The following GRM7 variants were observed in gnomAD, a reference collection of about 807,000 sequenced individuals.
GRM7 encodes metabotropic glutamate receptor 7.
A neutral mutation model predicts 84.5 loss-of-function variants in GRM7; 35 were observed. The ratio of observed to expected loss-of-function variants is 0.41; its 90% CI spans 0.32 to 0.55. The LOEUF (loss-of-function observed/expected upper bound fraction) is 0.55. Among genes scored for constraint, GRM7 ranks in the 20% least tolerant of loss-of-function variants. The pLI, the probability that GRM7 is intolerant of heterozygous loss-of-function variation, is 0.19. For missense variants in GRM7, 1,003 were observed against 1,194.6 expected, an observed-to-expected ratio of 0.84 and a Z score of 2.36; for synonymous variants, 487 against 455.1, an observed-to-expected ratio of 1.07 and a Z score of -0.89.
chr3:7,447,688 A>G (rs576219429), intron 5 of GRM7, among the ~76,000 whole-genome samples: 74 of 152,034 alleles, frequency 4.9e-4, no homozygotes, highest in Admixed American at 2.3e-3. Flanking sequence ...ATCTCTTTGT[A>G]AGAATAAATA....
intron 2 of GRM7, among the ~76,000 whole-genome samples, chr3:7,276,553 A>C (rs1699064849): frequency 6.6e-6 from 1 of 151,872 alleles, no homozygotes; most frequent in South Asian, 2.1e-4. Context: ...TCTTAGATGA[A>C]AATGGCGGTG....
intron 1 of GRM7, among the ~76,000 whole-genome samples, chr3:6,965,826 T>G (rs185427022): frequency 5.9e-4 from 90 of 152,310 alleles, no homozygotes; most frequent in African/African-American, 1.9e-3. Flanking sequence ...CTCGCATCCA[T>G]CTGAGTGGTG....
At chr3:7,332,568 T>C (rs183410661) in intron 4 of GRM7, among the ~76,000 whole-genome samples, 12 of 152,314 alleles carry the variant, frequency 7.9e-5, no homozygotes, top group African/African-American at 2.9e-4. Context: ...AAAGATCTTT[T>C]CCTTGAGTTA....
intron 4 of GRM7, among the ~76,000 whole-genome samples, chr3:7,356,766 T>C (rs1157074365): frequency 6.6e-6 from 1 of 152,108 alleles, no homozygotes; most frequent in Admixed American, 6.6e-5. Context: ...CTCAGGCCTT[T>C]GGCCTCACAC....
At chr3:6,950,445 G>A (rs991149780) in intron 1 of GRM7, among the ~76,000 whole-genome samples, 8 of 152,188 alleles carry the variant, frequency 5.3e-5, no homozygotes, top group Admixed American at 1.3e-4. Context: ...ACCCGGCCGT[G>A]TGAGGTGTCA....
At chr3:6,966,065 C>G (rs146386708) in intron 1 of GRM7, among the ~76,000 whole-genome samples, 12 of 152,312 alleles carry the variant, frequency 7.9e-5, no homozygotes, top group Admixed American at 7.2e-4. Flanking sequence ...AAGGAATGCA[C>G]ATATCACGAG....
At chr3:7,569,707 G>C (rs1396748754) in intron 7 of GRM7, among the ~76,000 whole-genome samples, 1 of 151,980 alleles carries the variant, frequency 6.6e-6, no homozygotes, top group East Asian at 1.9e-4. Flanking sequence ...CCTGAAGCCA[G>C]CGAGACCATG....
chr3:7,057,867 T>C (rs1253639137), intron 1 of GRM7, among the ~76,000 whole-genome samples: 1 of 151,912 alleles, frequency 6.6e-6, no homozygotes, highest in African/African-American at 2.4e-5. Flanking sequence ...CAAATCTACG[T>C]AGGCAAATGA....
chr3:6,934,210 T>C (rs1697606485), intron 1 of GRM7, among the ~76,000 whole-genome samples: 1 of 152,184 alleles, frequency 6.6e-6, no homozygotes, highest in Non-Finnish European at 1.5e-5. Flanking sequence ...CAGTGTGGTA[T>C]TTAGGTACTC....
chr3:7,313,915 GGAGAGA>G (rs35959092), intron 4 of GRM7, among the ~76,000 whole-genome samples: 10 of 149,780 alleles, frequency 6.7e-5, no homozygotes, highest in Middle Eastern at 3.4e-3. Context: ...GTTGTAAAAT[GGAGAGA>G]GAGAGAGAGA....
intron 8 of GRM7, among the ~76,000 whole-genome samples, chr3:7,614,059 T>G (rs904758850): frequency 1.3e-5 from 2 of 151,700 alleles, no homozygotes; most frequent in African/African-American, 4.8e-5. Context: ...AGGTAAGGAG[T>G]TGGAGACTAG....
At chr3:7,570,912 T>C (rs1185827359) in intron 7 of GRM7, among the ~76,000 whole-genome samples, 2 of 152,252 alleles carry the variant, frequency 1.3e-5, no homozygotes, top group Non-Finnish European at 2.9e-5. Context: ...ACCTCAGTTA[T>C]TGACTTCTGT....
At chr3:7,603,728 G>C (rs1696430910) in intron 8 of GRM7, among the ~76,000 whole-genome samples, 1 of 151,994 alleles carries the variant, frequency 6.6e-6, no homozygotes, top group Non-Finnish European at 1.5e-5. Flanking sequence ...AATCATATGG[G>C]GAGGTGAGAC....
Position 7,302,240 on chromosome 3 carries a change from A to C in GRM7, c.878+3415A>C, listed in dbSNP as rs190539208. On this transcript the variant is annotated intron_variant, in intron 3 of 9. Coordinates refer to ENST00000357716, the MANE Select transcript of GRM7 (RefSeq NM_000844.4). ...TTCCAGCACTCAGAGATAACTGCTA[A>C]TACAATTCTGGTTTAATTTTTGCAA... Among the ~76,000 whole-genome samples, 237 of 152,304 alleles carry C rather than the reference A, an allele frequency of 1.6e-3. 1 individual carries two copies. Among genetic ancestry groups the C allele is most frequent in the Middle Eastern group, 3.4e-3 (1 of 294 alleles).
intron 8 of GRM7, among the ~76,000 whole-genome samples, chr3:7,623,189 G>C (rs1697440729): frequency 6.6e-6 from 1 of 152,102 alleles, no homozygotes; most frequent in African/African-American, 2.4e-5. Context: ...TGCATCCATG[G>C]AAGGAATGAA....
At chr3:7,522,616 G>A (rs868617) in intron 7 of GRM7, among the ~76,000 whole-genome samples, 1 of 151,918 alleles carries the variant, frequency 6.6e-6, no homozygotes, top group Admixed American at 6.6e-5. Flanking sequence ...TGTCTACATC[G>A]CAAGACTTCC....
chr3:7,568,283 G>A (rs1196578248), intron 7 of GRM7, among the ~76,000 whole-genome samples: 1 of 151,894 alleles, frequency 6.6e-6, no homozygotes, highest in Non-Finnish European at 1.5e-5. Flanking sequence ...TTTTCACACT[G>A]CTGATAAAGA....
intron 8 of GRM7, among the ~76,000 whole-genome samples, chr3:7,651,267 T>C (rs1297142551): frequency 9.2e-5 from 14 of 152,174 alleles, no homozygotes; most frequent in Non-Finnish European, 7.3e-5. Flanking sequence ...GGAATTGCTT[T>C]TGATCCTCCT....
chr3:7,245,876 G>A (rs1377907887), intron 2 of GRM7, among the ~76,000 whole-genome samples: 1 of 151,982 alleles, frequency 6.6e-6, no homozygotes, highest in African/African-American at 2.4e-5. Context: ...TTGTTCATTT[G>A]TAGGATTTTT....
Sources: allele counts gnomAD v4.1 joint callset (sites outside exome capture counted in the v4.1 genomes callset), GRCh38; gene constraint gnomAD v4.1.1; transcripts MANE v1.5; gene names NCBI Gene and HGNC (gene_info 2026-07-23, HGNC 2026-07-21).